The following MYCBP2 variants were observed in gnomAD, a reference collection of about 807,000 sequenced individuals.
MYCBP2 encodes the protein MYC binding protein 2.
A neutral mutation model predicts 525.3 loss-of-function variants in MYCBP2; 120 were observed. The observed-to-expected ratio is 0.23, with a 90% confidence interval of 0.20 to 0.27. MYCBP2 has a LOEUF of 0.27. Among genes scored for constraint, MYCBP2 ranks in the 10% least tolerant of loss-of-function variants. MYCBP2 has a pLI of 1.00. For missense variants in MYCBP2, 4,149 were observed against 5,657.1 expected, an observed-to-expected ratio of 0.73 and a Z score of 8.55; for synonymous variants, 1,894 against 1,955.8, an observed-to-expected ratio of 0.97 and a Z score of 0.83.
chr13:77,100,465 T>C, intron 55 of MYCBP2: 1 of 152,072 alleles, frequency 6.6e-6, no homozygotes, highest in East Asian at 1.9e-4. Context: ...TTTTTTCTTC[T>C]GCTACTCCCA....
intron 30 of MYCBP2, among the ~76,000 whole-genome samples, chr13:77,186,919 C>T (rs2060781590): frequency 6.6e-6 from 1 of 151,006 alleles, no homozygotes; most frequent in South Asian, 2.1e-4. Context: ...TATCCTCTCA[C>T]CACCCCCTCA....
Position 77,081,631 on chromosome 13 carries a change from G to A in MYCBP2, c.11214C>T (p.Cys3738=), listed in dbSNP as rs775389601. 63 of 1,612,602 alleles carry A rather than the reference G, an allele frequency of 3.9e-5. No homozygotes were observed. Among genetic ancestry groups the A allele is most frequent in the Non-Finnish European group, 5.3e-5 (63 of 1,179,490 alleles). Residue 3738 remains cysteine, a synonymous_variant, in exon 65 of 83, where the codon TGC becomes TGT. Coordinates refer to ENST00000544440, the MANE Select transcript of MYCBP2 (RefSeq NM_015057.5). This position sits in a 1 kb window ranked among gnomAD's most constrained non-coding sequence, Gnocchi z 4.6. Reference sequence around the variant, plus strand: ...CAACAATGCTGGTTAAGTCCTTTAAGCACATTACTATGCATAATTCCTATC... The same window carrying A: ...CAACAATGCTGGTTAAGTCCTTTAAACACATTACTATGCATAATTCCTATC... ...AMSQELCIVM[C]LKDLTSIVDI...
intron 17 of MYCBP2, among the ~76,000 whole-genome samples, chr13:77,234,868 C>T (rs776690272): frequency 3.3e-5 from 5 of 151,880 alleles, no homozygotes; most frequent in African/African-American, 1.2e-4. Flanking sequence ...TTTCTGATTT[C>T]TATGGTCTGC....
chr13:77,324,104 A>G (rs1359746831), intron 1 of MYCBP2, among the ~76,000 whole-genome samples: 1 of 152,066 alleles, frequency 6.6e-6, no homozygotes, highest in Non-Finnish European at 1.5e-5. Flanking sequence ...AACACATTCC[A>G]TTCACTCCTC....
rs1196844789 is a variant in MYCBP2, at chr13:77,051,947, C to A, written c.13648-29G>T. 4 of 1,582,830 alleles carry A rather than the reference C, an allele frequency of 2.5e-6. No homozygotes were observed. In the East Asian group the frequency reaches 6.7e-5, roughly 27 times the overall value. On this transcript the variant is annotated intron_variant, in intron 80 of 82. Coordinates refer to ENST00000544440, the MANE Select transcript of MYCBP2 (RefSeq NM_015057.5). ...TGGAGAAAACACATCTAGATTACAG[C>A]AGGAAAAAAGAAAACTCTGGCATGG...
In MYCBP2 at chr13:77,093,247, C is replaced by T. The variant is rs2045720772; in HGVS notation, c.10285G>A (p.Ala3429Thr). 1 of 1,613,244 alleles carries T rather than the reference C, an allele frequency of 6.2e-7. No individual in the cohort carries two copies. Among genetic ancestry groups the T allele is most frequent in the South Asian group, 1.1e-5 (1 of 91,056 alleles). The stretch of plus-strand genomic sequence containing the variant: ...TCAGGAGTTACTGATATATACGGGG[C>T]AGGTACAGATGTTGAACGTAGATAT... ...MRYLRSTSVP[A>T]PYISVTPDAS... The change falls in exon 59 of 83, where the codon GCC becomes ACC. Residue 3429 changes from alanine to threonine, a missense_variant. Physicochemically the swap from Ala to Thr is moderately conservative, Grantham distance 58 (BLOSUM62 0). Coordinates refer to ENST00000544440, the MANE Select transcript of MYCBP2 (RefSeq NM_015057.5).
intron 63 of MYCBP2, chr13:77,082,301 C>G (rs960992749): frequency 9.1e-6 from 2 of 218,606 alleles, no homozygotes; most frequent in Non-Finnish European, 1.8e-5. Flanking sequence ...ACAAGTGGTA[C>G]ACCAACTGCA....
At chr13:77,144,387 A>T in intron 49 of MYCBP2, 58 bp downstream of exon 49, 1 of 1,225,510 alleles carries the variant, frequency 8.2e-7, no homozygotes, top group Non-Finnish European at 1.2e-6. Flanking sequence ...GAAGATAAAA[A>T]TAATTTTGAC....
intron 1 of MYCBP2, among the ~76,000 whole-genome samples, chr13:77,309,856 G>A (rs757805912): frequency 8.7e-4 from 133 of 152,302 alleles, no homozygotes; most frequent in Non-Finnish European, 1.6e-3. Context: ...GCTCACGCCT[G>A]TAATCTCAGT....
At chr13:77,114,978 A>G (rs1006687904) in intron 55 of MYCBP2, among the ~76,000 whole-genome samples, 5 of 151,994 alleles carry the variant, frequency 3.3e-5, no homozygotes, top group African/African-American at 1.2e-4. Context: ...TTAGAATTCA[A>G]TCAGTATAAA....
chr13:77,090,068 TC>T, intron 60 of MYCBP2, 37 bp downstream of exon 60: 1 of 1,549,020 alleles, frequency 6.5e-7, no homozygotes, highest in Non-Finnish European at 8.7e-7. Flanking sequence ...TTTGTAGTAG[TC>T]AGATCACTCA....
chr13:77,212,974 C>T (rs767070592), intron 21 of MYCBP2, among the ~76,000 whole-genome samples: 8 of 152,138 alleles, frequency 5.3e-5, no homozygotes, highest in African/African-American at 9.7e-5. Context: ...ACTCTGGTCA[C>T]GTTCTCATCC....
intron 62 of MYCBP2, among the ~76,000 whole-genome samples, chr13:77,086,023 T>C (rs1224532104): frequency 6.6e-6 from 1 of 152,184 alleles, no homozygotes; most frequent in Non-Finnish European, 1.5e-5. Context: ...GGTAGATACA[T>C]ATCCAGGATT....
At chr13:77,209,711 T>C (rs999143308) in intron 23 of MYCBP2, among the ~76,000 whole-genome samples, 42 of 152,216 alleles carry the variant, frequency 2.8e-4, no homozygotes, top group African/African-American at 1.0e-3. Flanking sequence ...GGAGATGTAA[T>C]TGATTTGAGA....
chr13:77,208,461 A>C (rs1289833794), intron 23 of MYCBP2, among the ~76,000 whole-genome samples: 1 of 152,260 alleles, frequency 6.6e-6, no homozygotes, highest in African/African-American at 2.4e-5. Flanking sequence ...AATATTAAAA[A>C]AAATCTAAAA....
intron 46 of MYCBP2, among the ~76,000 whole-genome samples, chr13:77,154,247 A>C (rs2056926058): frequency 6.6e-6 from 1 of 152,116 alleles, no homozygotes; most frequent in Non-Finnish European, 1.5e-5. Flanking sequence ...GGTTTTCTAG[A>C]AAGTTTCTAA....
chr13:77,119,386 T>C (rs1245140706), intron 55 of MYCBP2, among the ~76,000 whole-genome samples: 4 of 152,126 alleles, frequency 2.6e-5, no homozygotes, highest in Admixed American at 1.3e-4. Flanking sequence ...AAGTTTCATA[T>C]GTGAAAATTT....
intron 55 of MYCBP2, among the ~76,000 whole-genome samples, chr13:77,112,773 G>C (rs978060356): frequency 2.0e-5 from 3 of 152,054 alleles, no homozygotes; most frequent in African/African-American, 7.2e-5. Flanking sequence ...TATTGTGCCA[G>C]TAATTCTCCT....
chr13:77,248,206 T>C (rs747048988), intron 15 of MYCBP2, among the ~76,000 whole-genome samples: 5 of 148,180 alleles, frequency 3.4e-5, no homozygotes, highest in East Asian at 2.0e-4. Context: ...TGGGAAATAA[T>C]TTCTTGGATA....
Sources: gnomAD v4.1 joint callset for allele counts (sites outside exome capture counted in the v4.1 genomes callset) on GRCh38, gnomAD v4.1.1 for gene constraint, Gnocchi (gnomAD v3.1) non-coding constraint, MANE v1.5 for transcripts, NCBI Gene and HGNC (gene_info 2026-07-23, HGNC 2026-07-21) for gene names.